CCDC92: variants seen among roughly 807,000 people sequenced by gnomAD.
The protein encoded by CCDC92 is coiled-coil domain-containing protein 92.
Under a neutral mutation model 24.9 loss-of-function variants are expected in CCDC92, and 12 were observed. The ratio of observed to expected loss-of-function variants is 0.48; its 90% CI spans 0.31 to 0.78. CCDC92 has a LOEUF of 0.78. CCDC92 is among the 30% of genes least tolerant of loss of function. CCDC92 has a pLI of 0.05. For missense variants in CCDC92, 399 were observed against 439.4 expected, an observed-to-expected ratio of 0.91 and a Z score of 0.82; for synonymous variants, 193 against 196.3, an observed-to-expected ratio of 0.98 and a Z score of 0.14.
intron 1 of CCDC92, among the ~76,000 whole-genome samples, chr12:123,962,304 A>G (rs773950933): frequency 2.0e-5 from 3 of 152,222 alleles, no homozygotes; most frequent in Non-Finnish European, 4.4e-5. Context: ...AAAATGTACA[A>G]TTGTGTTTTT....
At chr12:123,947,016 G>A (rs929565691) in intron 1 of CCDC92, among the ~76,000 whole-genome samples, 6 of 152,172 alleles carry the variant, frequency 3.9e-5, no homozygotes, top group Non-Finnish European at 7.4e-5. Flanking sequence ...GGGTGGGCGT[G>A]GGCTTGGCGG....
chr12:123,971,178 G>A lies in CCDC92; in HGVS notation c.-60+1351C>T, dbSNP rs7311748. 9.4e-4 allele frequency among the ~76,000 whole-genome samples: 143 copies of A among 152,206 alleles called. 2 individuals are homozygous for A. Among genetic ancestry groups the A allele is most frequent in the African/African-American group, 3.2e-3 (131 of 41,528 alleles). On this transcript the variant is annotated intron_variant, in intron 1 of 4. Coordinates refer to ENST00000238156, the MANE Select transcript of CCDC92 (RefSeq NM_025140.3). ...TAAATTTACTGAGTAATTATAATAC[G>A]CAGAGGAGTAACAAAACTATTTTAA... is the stretch of plus-strand genomic sequence containing the variant.
intron 1 of CCDC92, chr12:123,960,653 T>C (rs1956250448): frequency 6.6e-6 from 1 of 152,204 alleles, no homozygotes; most frequent in African/African-American, 2.4e-5. Flanking sequence ...GGAACACCTG[T>C]CATGAGCTTG....
chr12:123,944,806 C>T (rs1955796507), intron 1 of CCDC92: 1 of 152,258 alleles, frequency 6.6e-6, no homozygotes, highest in Non-Finnish European at 1.5e-5. Flanking sequence ...AATGATACAT[C>T]CTAAAAAGGA....
intron 1 of CCDC92, among the ~76,000 whole-genome samples, chr12:123,947,220 G>A (rs973152818): frequency 6.6e-6 from 1 of 152,180 alleles, no homozygotes; most frequent in Non-Finnish European, 1.5e-5. Flanking sequence ...GGGACCTGCA[G>A]CCTGCCATGC....
chr12:123,942,231 G>A (rs1187549299), intron 4 of CCDC92, among the ~76,000 whole-genome samples: 2 of 152,214 alleles, frequency 1.3e-5, no homozygotes, highest in African/African-American at 4.8e-5. Context: ...CTGGTTTGGG[G>A]AGGGTTCTGG....
intron 1 of CCDC92, among the ~76,000 whole-genome samples, chr12:123,954,712 T>C (rs1436138411): frequency 6.6e-6 from 1 of 152,232 alleles, no homozygotes; most frequent in African/African-American, 2.4e-5. Context: ...ACGGGTGTCT[T>C]TTAACTGGCC....
chr12:123,937,366 T>A lies in CCDC92; in HGVS notation c.688A>T (p.Lys230Ter). 6.2e-7 allele frequency: 1 copy of A among 1,614,058 alleles called. No homozygotes were observed. Among genetic ancestry groups the A allele is most frequent in the Non-Finnish European group, 8.5e-7 (1 of 1,180,022 alleles). The change falls in exon 5 of 5, where the codon AAA becomes TAA. Residue 230 changes from lysine (K) to a stop codon, truncating the protein, a stop_gained. Coordinates refer to ENST00000238156, the MANE Select transcript of CCDC92 (RefSeq NM_025140.3). LOFTEE classifies it high-confidence loss of function. The surrounding 1 kb of genome is among the most constrained non-coding windows in gnomAD (Gnocchi z 8.4). The part of the protein sequence containing the change: ...EVYRFGAESR[K>*]LLLREPVDAM... ...TCCACTGGTTCCCGCAAAAGGAGTTTCCTGCTCTCTGCCCCGAATCTGTAG... is the reference window on the plus strand; with the variant it reads ...TCCACTGGTTCCCGCAAAAGGAGTTACCTGCTCTCTGCCCCGAATCTGTAG...
intron 1 of CCDC92, among the ~76,000 whole-genome samples, chr12:123,950,195 A>G (rs138016526): frequency 2.6e-5 from 4 of 152,388 alleles, no homozygotes; most frequent in Admixed American, 2.6e-4. Flanking sequence ...GCAGAAATTC[A>G]GATGTTTTCC....
chr12:123,970,720 T>A (rs1276401454), intron 1 of CCDC92, among the ~76,000 whole-genome samples: 30 of 152,260 alleles, frequency 2.0e-4, no homozygotes. Flanking sequence ...TTACCAAATG[T>A]GTGCCCACTA....
intron 1 of CCDC92, among the ~76,000 whole-genome samples, chr12:123,953,245 C>CA (rs78040312): frequency 0.069 from 6,236 of 89,736 alleles, 346 homozygotes; most frequent in African/African-American, 0.18. Context: ...CAGTAGCAAC[C>CA]AAAAAAAAAA....
Position 123,937,875 on chromosome 12 carries a change from G to C in CCDC92, c.224-45C>G, listed in dbSNP as rs1955570444. The C allele has an allele frequency of 6.4e-7, 1 of 1,554,822 alleles. No individual in the cohort carries two copies. The highest frequency in any genetic ancestry group is 8.6e-7 in the Non-Finnish European group (1 of 1,156,632). ...AAGCAGGTGAAGAACTCATTAGACT[G>C]AGGCCGAGTGGTGAGGCCTATGGGG... On this transcript the variant is annotated intron_variant, in intron 4 of 4. Transcript: ENST00000238156. This position sits in a 1 kb window ranked among gnomAD's most constrained non-coding sequence, Gnocchi z 8.4.
intron 1 of CCDC92, among the ~76,000 whole-genome samples, chr12:123,957,601 G>A (rs540117624): frequency 1.3e-4 from 19 of 151,890 alleles, no homozygotes; most frequent in Admixed American, 6.5e-4. Flanking sequence ...TTAATGAGAA[G>A]CTGAAAATCA....
intron 3 of CCDC92, 76 bp downstream of exon 3, chr12:123,943,271 C>G (rs1403059604): frequency 4.6e-6 from 7 of 1,534,828 alleles, no homozygotes; most frequent in African/African-American, 1.4e-5. Flanking sequence ...CAGGGCAGGC[C>G]TAGCACATTC....
intron 1 of CCDC92, chr12:123,971,814 A>C (rs1298841465): frequency 6.6e-6 from 1 of 152,318 alleles, no homozygotes; most frequent in Non-Finnish European, 1.5e-5. Context: ...CCGTTTCACG[A>C]ATCACAGGCA....
intron 1 of CCDC92, chr12:123,971,870 G>A (rs572838550): frequency 6.6e-6 from 1 of 152,220 alleles, no homozygotes; most frequent in South Asian, 2.1e-4. Flanking sequence ...GCTTCAGGAA[G>A]GGGCTGGCAA....
chr12:123,955,631 A>C (rs55955998), intron 1 of CCDC92, among the ~76,000 whole-genome samples: 2,080 of 152,252 alleles, frequency 0.014, 20 homozygotes, highest in Middle Eastern at 0.027. Flanking sequence ...GGTATTTAGT[A>C]ATTGAAGCTC....
chr12:123,942,861 C>T (rs377348369), intron 3 of CCDC92, 76 bp from the exon 4 acceptor site: 17 of 1,146,304 alleles, frequency 1.5e-5, no homozygotes, highest in Middle Eastern at 1.9e-4. Flanking sequence ...AATGCAAAAC[C>T]GATTCCCACG....
At chr12:123,957,815 T>G (rs1956186745) in intron 1 of CCDC92, among the ~76,000 whole-genome samples, 1 of 150,910 alleles carries the variant, frequency 6.6e-6, no homozygotes, top group Admixed American at 6.6e-5. Context: ...TTCAAGTGAT[T>G]CTTGTGCCTC....
Sources: gnomAD v4.1 joint callset for allele counts (sites outside exome capture counted in the v4.1 genomes callset) on GRCh38, gnomAD v4.1.1 for gene constraint, Gnocchi (gnomAD v3.1) non-coding constraint, MANE v1.5 for transcripts, NCBI Gene and HGNC (gene_info 2026-07-23, HGNC 2026-07-21) for gene names.